SLC1A3: variants seen among roughly 807,000 people sequenced by gnomAD.
The protein encoded by SLC1A3 is excitatory amino acid transporter 1.
Under a neutral mutation model 48.1 loss-of-function variants are expected in SLC1A3, and 21 were observed. That is an observed-to-expected ratio of 0.44 (90% confidence interval 0.31 to 0.63). The LOEUF is 0.63. Ranked by LOEUF, SLC1A3 falls within the 20% of genes least tolerant of loss-of-function variation. The probability of loss-of-function intolerance (pLI) is 0.08; values close to 1 mark genes in which losing one functional copy is unlikely to be tolerated. For synonymous variants in SLC1A3, 239 were observed against 251.4 expected (o/e 0.95, Z 0.47); for missense variants, 546 against 689.0 (o/e 0.79, Z 2.32).
At chr5:36,628,158 T>C (rs185376446) in intron 2 of SLC1A3, among the ~76,000 whole-genome samples, 1 of 152,318 alleles carries the variant, frequency 6.6e-6, no homozygotes, top group East Asian at 1.9e-4. Context: ...CTGAAGGCCC[T>C]GAGAGCTGGG....
intron 1 of SLC1A3, among the ~76,000 whole-genome samples, chr5:36,597,280 T>C (rs189853577): frequency 1.5e-5 from 2 of 132,018 alleles, no homozygotes; most frequent in East Asian, 5.0e-4. Context: ...GGAGTCTTGC[T>C]CTGTCGCCCA....
chr5:36,635,961 G>A (rs1740326454), intron 3 of SLC1A3: 1 of 151,930 alleles, frequency 6.6e-6, no homozygotes, highest in South Asian at 2.1e-4. Context: ...AGAAAGGGAG[G>A]TTGTATAATG....
At position 36,661,565 on chromosome 5, in the gene SLC1A3, G is replaced by A. The variant is rs566325875; in HGVS notation, c.320-9464G>A. Among the ~76,000 whole-genome samples, 15 of 152,348 alleles carry A rather than the reference G, an allele frequency of 9.8e-5. 1 individual carries two copies. The highest frequency in any genetic ancestry group is 6.5e-4 in the Admixed American group (10 of 15,304). ...TTTCAGAGTGCTAACGTTGGAATCT[G>A]GTTCCAGAATCTTTGCAGAGTGTGG... On this transcript the variant is annotated intron_variant, in intron 3 of 9. Coordinates refer to ENST00000265113, the MANE Select transcript of SLC1A3 (RefSeq NM_004172.5).
chr5:36,609,113 A>T, intron 2 of SLC1A3: 2 of 986,150 alleles, frequency 2.0e-6, no homozygotes, highest in Non-Finnish European at 2.4e-6. Flanking sequence ...TCTCTCACCC[A>T]GCAACTGGGA....
At chr5:36,624,877 G>T (rs948899170) in intron 2 of SLC1A3, among the ~76,000 whole-genome samples, 1 of 152,142 alleles carries the variant, frequency 6.6e-6, no homozygotes, top group Non-Finnish European at 1.5e-5. Flanking sequence ...ACCTGTAAAG[G>T]GTTCCAAGAT....
intron 3 of SLC1A3, among the ~76,000 whole-genome samples, chr5:36,653,054 C>T (rs1161866240): frequency 6.6e-6 from 1 of 152,220 alleles, no homozygotes; most frequent in Non-Finnish European, 1.5e-5. Flanking sequence ...CTTAGAAGCA[C>T]TGACCTCATA....
intron 2 of SLC1A3, among the ~76,000 whole-genome samples, chr5:36,615,657 T>G (rs1279010426): frequency 6.6e-6 from 1 of 152,224 alleles, no homozygotes; most frequent in East Asian, 1.9e-4. Context: ...CACAGGCTTT[T>G]GTTTTTGCTA....
intron 2 of SLC1A3, among the ~76,000 whole-genome samples, chr5:36,618,384 A>G (rs543986437): frequency 2.0e-4 from 30 of 152,332 alleles, no homozygotes; most frequent in African/African-American, 7.0e-4. Flanking sequence ...GTGATGTGTC[A>G]AAGGCGCTTA....
chr5:36,608,286 C>A, intron 1 of SLC1A3, 43 bp from the exon 2 acceptor site: 1 of 744,476 alleles, frequency 1.3e-6, no homozygotes, highest in Non-Finnish European at 2.2e-6. Flanking sequence ...TGATTTCTCA[C>A]CCCTGGAGGC....
intron 9 of SLC1A3, 96 bp downstream of exon 9, chr5:36,684,094 T>G: frequency 6.7e-7 from 1 of 1,484,056 alleles, no homozygotes. Flanking sequence ...CAGAAAGAAC[T>G]CTGAGGAGAG....
At chr5:36,614,288 C>A (rs1739337487) in intron 2 of SLC1A3, among the ~76,000 whole-genome samples, 1 of 152,128 alleles carries the variant, frequency 6.6e-6, no homozygotes, top group Admixed American at 6.5e-5. Context: ...CTGTCATATG[C>A]ACTGATTTGA....
At chr5:36,611,346 G>GTTT (rs34107449) in intron 2 of SLC1A3, among the ~76,000 whole-genome samples, 1 of 135,248 alleles carries the variant, frequency 7.4e-6, no homozygotes, top group Admixed American at 7.3e-5. Flanking sequence ...TGTTTAGACT[G>GTTT]TTTTTTTTTT....
intron 3 of SLC1A3, among the ~76,000 whole-genome samples, chr5:36,664,071 A>C (rs1451823997): frequency 6.6e-6 from 1 of 152,210 alleles, no homozygotes; most frequent in African/African-American, 2.4e-5. Flanking sequence ...ACAGCCCAAG[A>C]TCATAGGAAA....
intron 2 of SLC1A3, among the ~76,000 whole-genome samples, chr5:36,618,826 T>C (rs1033950924): frequency 3.3e-5 from 5 of 152,246 alleles, no homozygotes; most frequent in African/African-American, 1.2e-4. Context: ...CTGCTTTTAA[T>C]TGCTATTTCT....
At chr5:36,631,569 A>T (rs916012945) in intron 3 of SLC1A3, among the ~76,000 whole-genome samples, 4 of 152,248 alleles carry the variant, frequency 2.6e-5, no homozygotes, top group African/African-American at 9.6e-5. Flanking sequence ...GAACTTTTAA[A>T]ACTGTAACCT....
chr5:36,608,174 A>G, intron 1 of SLC1A3, 155 bp from the exon 2 acceptor site: 1 of 490,024 alleles, frequency 2.0e-6, no homozygotes, highest in East Asian at 3.2e-5. Flanking sequence ...CCACTAAAAT[A>G]TGCACACTGC....
rs1241699575 is a variant in SLC1A3, at chr5:36,622,696, CGAT to C, written c.182-6753_182-6751del. ...TTGTGTCTTAGTTTAGAAAATGAGA[CGAT>C]ATTTAATTTTCCAAAGAAGTATTTG... On this transcript the variant is annotated intron_variant, in intron 2 of 9. Coordinates refer to ENST00000265113, the MANE Select transcript of SLC1A3 (RefSeq NM_004172.5). Among the ~76,000 whole-genome samples, 4 of 152,000 alleles carry C rather than the reference CGAT, an allele frequency of 2.6e-5. No individual in the cohort carries two copies. The East Asian group carries it at 5.8e-4, about 22-fold the overall frequency.
intron 4 of SLC1A3, among the ~76,000 whole-genome samples, 178 bp from the exon 5 acceptor site, chr5:36,673,871 G>A (rs1170173265): frequency 1.3e-5 from 2 of 152,098 alleles, no homozygotes; most frequent in Non-Finnish European, 2.9e-5. Context: ...TGAACTACAT[G>A]GGCCACACTT....
intron 3 of SLC1A3, among the ~76,000 whole-genome samples, chr5:36,642,324 T>C (rs1313424796): frequency 6.6e-6 from 1 of 152,210 alleles, no homozygotes; most frequent in Non-Finnish European, 1.5e-5. Flanking sequence ...TTTCCTTATG[T>C]GAAGGATGCA....
Sources: allele counts gnomAD v4.1 joint callset (sites outside exome capture counted in the v4.1 genomes callset), GRCh38; gene constraint gnomAD v4.1.1; transcripts MANE v1.5; gene names NCBI Gene and HGNC (gene_info 2026-07-23, HGNC 2026-07-21).